TCF12: variants seen among roughly 807,000 people sequenced by gnomAD.
TCF12 encodes the protein DNA-binding protein HTF4.
Under a neutral mutation model 86.0 loss-of-function variants are expected in TCF12, and 45 were observed. The ratio of observed to expected loss-of-function variants is 0.52; its 90% CI spans 0.41 to 0.67. The LOEUF (loss-of-function observed/expected upper bound fraction) is 0.67, where lower values mean the gene tolerates loss of function less well. Among genes scored for constraint, TCF12 ranks in the 30% least tolerant of loss-of-function variants. The pLI, the probability that TCF12 is intolerant of heterozygous loss-of-function variation, is 0.00. For missense variants in TCF12, 881 were observed against 859.9 expected, an observed-to-expected ratio of 1.02 and a Z score of -0.31; for synonymous variants, 330 against 299.6, an observed-to-expected ratio of 1.10 and a Z score of -1.05.
intron 3 of TCF12, among the ~76,000 whole-genome samples, chr15:57,028,256 C>G (rs765971406): frequency 6.6e-6 from 1 of 151,802 alleles, no homozygotes; most frequent in East Asian, 1.9e-4. Flanking sequence ...CCACCGCGCC[C>G]GACTGAAACC....
At chr15:56,967,396 G>GTAT (rs769885344) in intron 3 of TCF12, among the ~76,000 whole-genome samples, 3 of 152,028 alleles carry the variant, frequency 2.0e-5, no homozygotes, top group Non-Finnish European at 4.4e-5. Context: ...ACATTTTTTG[G>GTAT]TATTGGATGG....
intron 5 of TCF12, among the ~76,000 whole-genome samples, chr15:57,116,634 A>G (rs918111252): frequency 2.0e-5 from 3 of 152,152 alleles, no homozygotes; most frequent in Non-Finnish European, 4.4e-5. Flanking sequence ...GGAGTGAGCC[A>G]CTGAACCCAG....
intron 8 of TCF12, among the ~76,000 whole-genome samples, chr15:57,198,281 G>A (rs1323969567): frequency 6.6e-6 from 1 of 152,194 alleles, no homozygotes; most frequent in African/African-American, 2.4e-5. Context: ...CAGTAGGACT[G>A]AGGTTATTAA....
At chr15:57,062,524 T>C (rs2068536215) in intron 3 of TCF12, among the ~76,000 whole-genome samples, 1 of 152,192 alleles carries the variant, frequency 6.6e-6, no homozygotes, top group Non-Finnish European at 1.5e-5. Flanking sequence ...AGAGTCCTAA[T>C]AACTAAGTTA....
At chr15:56,921,698 T>G (rs1288217251) in intron 3 of TCF12, among the ~76,000 whole-genome samples, 1 of 152,076 alleles carries the variant, frequency 6.6e-6, no homozygotes, top group Non-Finnish European at 1.5e-5. Context: ...AGCATCATCT[T>G]AAGAAAACCA....
At chr15:57,253,210 A>G (rs771503473) in intron 15 of TCF12, 52 bp from the exon 16 acceptor site, 1 of 1,595,562 alleles carries the variant, frequency 6.3e-7, no homozygotes, top group Non-Finnish European at 8.6e-7. Flanking sequence ...GCAGTTAATG[A>G]ATCTAACAGA....
At chr15:57,198,035 T>C (rs771257885) in intron 8 of TCF12, among the ~76,000 whole-genome samples, 1 of 152,252 alleles carries the variant, frequency 6.6e-6, no homozygotes, top group African/African-American at 2.4e-5. Context: ...CTTACTCATA[T>C]GCTCTTACTC....
At chr15:57,055,136 C>A (rs1296604275) in intron 3 of TCF12, among the ~76,000 whole-genome samples, 1 of 152,118 alleles carries the variant, frequency 6.6e-6, no homozygotes, top group Non-Finnish European at 1.5e-5. Context: ...TGCGTTGGAT[C>A]ACACCTGTAA....
At chr15:57,073,781 C>T (rs2069625055) in intron 4 of TCF12, among the ~76,000 whole-genome samples, 1 of 152,156 alleles carries the variant, frequency 6.6e-6, no homozygotes, top group South Asian at 2.1e-4. Flanking sequence ...CGGAGTCTCG[C>T]TGTGTCGCCC....
intron 3 of TCF12, among the ~76,000 whole-genome samples, chr15:56,976,484 G>C (rs751596382): frequency 1.3e-5 from 2 of 151,348 alleles, no homozygotes; most frequent in African/African-American, 4.9e-5. Flanking sequence ...TCATCCGCCC[G>C]CCTCGGCCTC....
At chr15:57,083,924 T>C (rs1038991594) in intron 4 of TCF12, among the ~76,000 whole-genome samples, 6 of 152,164 alleles carry the variant, frequency 3.9e-5, no homozygotes, top group Non-Finnish European at 8.8e-5. Flanking sequence ...TATTCTTTTT[T>C]CCTCCTATTT....
intron 3 of TCF12, among the ~76,000 whole-genome samples, chr15:57,054,773 C>CTTTTTTTTTT (rs35859330): frequency 4.1e-5 from 1 of 24,188 alleles, no homozygotes; most frequent in Non-Finnish European, 8.6e-5. Context: ...AATGCCTCTG[C>CTTTTTTTTTT]TTTTTTTTTT....
At chr15:56,949,124 A>G (rs993049312) in intron 3 of TCF12, among the ~76,000 whole-genome samples, 3 of 152,236 alleles carry the variant, frequency 2.0e-5, no homozygotes, top group Non-Finnish European at 4.4e-5. Flanking sequence ...TCTTGATTAC[A>G]TTAAATTGTT....
At chr15:57,260,716 A>G (rs2060549529) in intron 16 of TCF12, among the ~76,000 whole-genome samples, 1 of 152,140 alleles carries the variant, frequency 6.6e-6, no homozygotes, top group South Asian at 2.1e-4. Flanking sequence ...GCCGTATATT[A>G]TGTTTGCCCA....
intron 8 of TCF12, among the ~76,000 whole-genome samples, chr15:57,202,592 C>A (rs1333229141): frequency 1.3e-5 from 2 of 151,964 alleles, no homozygotes; most frequent in Admixed American, 6.6e-5. Context: ...CCCACCACCA[C>A]ACCCGGCTAA....
At chr15:56,972,322 A>G (rs1204702591) in intron 3 of TCF12, among the ~76,000 whole-genome samples, 1 of 152,254 alleles carries the variant, frequency 6.6e-6, no homozygotes, top group African/African-American at 2.4e-5. Context: ...GCTTCCAGCA[A>G]TAAAATAATA....
intron 12 of TCF12, among the ~76,000 whole-genome samples, chr15:57,237,712 T>G (rs1431604297): frequency 6.6e-6 from 1 of 152,204 alleles, no homozygotes; most frequent in Non-Finnish European, 1.5e-5. Flanking sequence ...TAGGAGTTCT[T>G]TTAAGTCCAG....
chr15:57,181,209 C>T (rs2056328517), intron 6 of TCF12, among the ~76,000 whole-genome samples: 1 of 151,992 alleles, frequency 6.6e-6, no homozygotes, highest in Admixed American at 6.6e-5. Context: ...TAATAAAACC[C>T]AGTTCCGACA....
intron 3 of TCF12, among the ~76,000 whole-genome samples, chr15:56,975,855 G>A (rs181287047): frequency 1.3e-5 from 2 of 151,518 alleles, no homozygotes; most frequent in African/African-American, 4.8e-5. Context: ...TTATATCTGA[G>A]GCAAGAAATG....
Sources: allele counts gnomAD v4.1 joint callset (sites outside exome capture counted in the v4.1 genomes callset), GRCh38; gene constraint gnomAD v4.1.1; transcripts MANE v1.5; gene names NCBI Gene and HGNC (gene_info 2026-07-23, HGNC 2026-07-21).